The following ECPAS variants were observed in gnomAD, a reference collection of about 807,000 sequenced individuals.
The protein encoded by ECPAS is Ecm29 proteasome adaptor and scaffold.
A neutral mutation model predicts 255.1 loss-of-function variants in ECPAS; 70 were observed. That is an observed-to-expected ratio of 0.27 (90% CI 0.23 to 0.33). The LOEUF (loss-of-function observed/expected upper bound fraction) is 0.33. Among genes scored for constraint, ECPAS ranks in the 10% least tolerant of loss-of-function variants. The pLI is 1.00. For missense variants in ECPAS, 1,817 were observed against 2,206.4 expected (o/e 0.82, Z 3.54); for synonymous variants, 784 against 775.0 (o/e 1.01, Z -0.19).
At chr9:111,435,090 G>A (rs915093966) in intron 7 of ECPAS, among the ~76,000 whole-genome samples, 1 of 150,626 alleles carries the variant, frequency 6.6e-6, no homozygotes, top group Non-Finnish European at 1.5e-5. Context: ...ATAGAGACGG[G>A]GTCTCACTCT....
rs902606506 is a variant in ECPAS, at chr9:111,376,415, T to C, written c.4020+61A>G. The C allele has an allele frequency of 1.5e-5, 20 of 1,354,582 alleles. 1 individual carries two copies. The Admixed American group carries it at 3.1e-4, about 21-fold the overall frequency. 83.9% of individuals were successfully genotyped at this position (1,354,582 alleles called of 1,614,324 possible). A position where few individuals can be genotyped will look rare whatever the true frequency, so the allele number is the denominator to read the frequency against. On this transcript the variant is annotated intron_variant, in intron 37 of 49. Coordinates refer to ENST00000684092, the MANE Select transcript of ECPAS (RefSeq NM_001364929.1). ...CTTCATTTAACATAGCCTGAAGACT[T>C]TGAAGAATTACACTTTCAGGTAAGC...
chr9:111,445,751 C>T (rs570335635), intron 3 of ECPAS, among the ~76,000 whole-genome samples: 14 of 151,880 alleles, frequency 9.2e-5, no homozygotes, highest in African/African-American at 3.1e-4. Flanking sequence ...TAGGTATACA[C>T]GTGCCATGTT....
Position 111,481,508 on chromosome 9 carries a change from GA to G in ECPAS, c.-83+2607del, listed in dbSNP as rs952008532. On this transcript the variant is annotated intron_variant, in intron 1 of 49. Transcript: ENST00000684092. ...GCGACAGAGCAAGACTTGGTCTCAAGAAAAAAAAAAGAAAAAAGAAAACAGT... is the reference window on the plus strand; with the variant it reads ...GCGACAGAGCAAGACTTGGTCTCAAGAAAAAAAAAGAAAAAAGAAAACAGT... Among the ~76,000 whole-genome samples, 9 of 141,990 alleles carry G rather than the reference GA, an allele frequency of 6.3e-5. 1 individual carries two copies. The highest frequency in any genetic ancestry group is 7.8e-5 in the African/African-American group (3 of 38,526). The allele number at this position is 141,990 out of a possible 152,430, so 93.2% of individuals were successfully genotyped here.
At chr9:111,475,794 A>G (rs1388114821) in intron 1 of ECPAS, among the ~76,000 whole-genome samples, 1 of 152,008 alleles carries the variant, frequency 6.6e-6, no homozygotes, top group Non-Finnish European at 1.5e-5. Context: ...GGAAATTAAT[A>G]AAAAATAGAA....
chr9:111,474,282 ACT>A (rs1474428706), intron 1 of ECPAS, among the ~76,000 whole-genome samples: 1 of 151,978 alleles, frequency 6.6e-6, no homozygotes, highest in Non-Finnish European at 1.5e-5. Flanking sequence ...TAGAGGCTAC[ACT>A]CTCTGTTACT....
intron 34 of ECPAS, among the ~76,000 whole-genome samples, chr9:111,384,132 A>C (rs1040121614): frequency 1.3e-5 from 2 of 152,218 alleles, no homozygotes; most frequent in Non-Finnish European, 2.9e-5. Flanking sequence ...AGTTCCTGAT[A>C]TATCACAAAA....
chr9:111,364,390 G>T (rs143538560), intron 48 of ECPAS, among the ~76,000 whole-genome samples: 1 of 152,142 alleles, frequency 6.6e-6, no homozygotes, highest in African/African-American at 2.4e-5. Flanking sequence ...CTGGAATAAC[G>T]AATTAGATTT....
intron 3 of ECPAS, among the ~76,000 whole-genome samples, chr9:111,450,334 AAAG>A (rs1297334577): frequency 3.3e-5 from 5 of 152,250 alleles, no homozygotes; most frequent in Non-Finnish European, 7.3e-5. Flanking sequence ...CTATCTCAGC[AAAG>A]AAGGATTAAC....
chr9:111,361,958 T>A lies in ECPAS; in HGVS notation c.*72A>T. ...AGATTAATCTTTACTTTTTCCCACT[T>A]GGTTTTTCAAAGAACACCACCACTT... On this transcript the variant is annotated 3_prime_UTR_variant, in exon 50 of 50. Transcript: ENST00000684092. The A allele has an allele frequency of 6.5e-7, 1 of 1,540,944 alleles. No individual in the cohort carries two copies. Among genetic ancestry groups the A allele is most frequent in the Non-Finnish European group, 8.8e-7 (1 of 1,140,558 alleles).
Position 111,373,348 on chromosome 9 carries a change from T to G in ECPAS, c.4236A>C (p.Lys1412Asn). ...AATGGCCCATAGCAAATGCACAAGA[T>G]TTCTGAATCACACTGTTCCGATCTG... ...GLTDRNSVIQKSCAFAMGHLV... is the reference protein window; with the variant it reads ...GLTDRNSVIQNSCAFAMGHLV... Residue 1412 changes from lysine to asparagine, a missense_variant, in exon 40 of 50, where the codon AAA becomes AAC. Physicochemically the swap from Lys to Asn is moderately conservative, Grantham distance 94. This residue lies in a region of ECPAS where 960 missense variants were observed against 1,179.0 expected (regional missense o/e 0.81). Coordinates refer to ENST00000684092, the MANE Select transcript of ECPAS (RefSeq NM_001364929.1). 1 of 1,613,864 alleles carries G rather than the reference T, an allele frequency of 6.2e-7. No homozygotes were observed. The highest frequency in any genetic ancestry group is 1.3e-5 in the African/African-American group (1 of 75,034).
chr9:111,479,371 G>T (rs959419077), intron 1 of ECPAS, among the ~76,000 whole-genome samples: 1 of 150,042 alleles, frequency 6.7e-6, no homozygotes, highest in Non-Finnish European at 1.5e-5. Flanking sequence ...ACCAGGAGGG[G>T]CGGATCATGA....
intron 43 of ECPAS, 70 bp from the exon 44 acceptor site, chr9:111,370,835 TAC>T: frequency 7.2e-7 from 1 of 1,381,974 alleles, no homozygotes; most frequent in Non-Finnish European, 1.0e-6. Context: ...AAACCATGAT[TAC>T]AATTACCTTA....
chr9:111,451,726 T>A (rs543231104), intron 2 of ECPAS, among the ~76,000 whole-genome samples, 171 bp from the exon 3 acceptor site: 18 of 152,274 alleles, frequency 1.2e-4, no homozygotes, highest in African/African-American at 4.3e-4. Context: ...CACCAAAAGG[T>A]TAACTGTTCT....
intron 9 of ECPAS, among the ~76,000 whole-genome samples, chr9:111,429,546 G>A (rs999719772): frequency 7.2e-5 from 11 of 152,162 alleles, no homozygotes; most frequent in African/African-American, 2.7e-4. Flanking sequence ...AAAGTTATGT[G>A]ATCAGCCAAA....
At chr9:111,369,233 T>C (rs1294974004) in intron 45 of ECPAS, 60 bp from the exon 46 acceptor site, 2 of 1,297,758 alleles carry the variant, frequency 1.5e-6, no homozygotes, top group Non-Finnish European at 2.0e-6. Context: ...ACAGGTATAC[T>C]ATTAAAGCTA....
chr9:111,416,325 T>C lies in ECPAS; in HGVS notation c.1711A>G (p.Lys571Glu). Residue 571 changes from lysine to glutamate, a missense_variant, in exon 18 of 50, where the codon AAG becomes GAG. By Grantham distance (56) the Lys-to-Glu change is moderately conservative (BLOSUM62 1). Around this residue, in one of 4 missense-constraint regions of ECPAS, gnomAD observed 573 missense variants for 716.2 expected, o/e 0.80. Transcript: ENST00000684092. ...AGGACAGTGGTCCCGGTCATGTACTTGACTGGAGTTTTCATTCGATGAGAA... is the reference window on the plus strand; with the variant it reads ...AGGACAGTGGTCCCGGTCATGTACTCGACTGGAGTTTTCATTCGATGAGAA... ...KASHRMKTPV[K>E]YMTGTTVLPF... is the part of the protein sequence containing the mutation. The C allele has an allele frequency of 6.2e-7, 1 of 1,613,790 alleles. No individual in the cohort carries two copies. Among genetic ancestry groups the C allele is most frequent in the Non-Finnish European group, 8.5e-7 (1 of 1,179,736 alleles).
At chr9:111,392,937 C>T (rs372042864) in intron 27 of ECPAS, 55 bp from the exon 28 acceptor site, 51 of 1,221,186 alleles carry the variant, frequency 4.2e-5, no homozygotes, top group Non-Finnish European at 5.7e-5. Context: ...TGTCTACTTG[C>T]TATGAAATCA....
At chr9:111,431,909 C>G (rs2098230652) in intron 8 of ECPAS, among the ~76,000 whole-genome samples, 1 of 152,228 alleles carries the variant, frequency 6.6e-6, no homozygotes, top group South Asian at 2.1e-4. Flanking sequence ...TTGCTACTAA[C>G]TAATCCTCAA....
rs890676349 is a variant in ECPAS at position 111,473,342 on chromosome 9, G to C, written c.-82-342C>G. On this transcript the variant is annotated intron_variant, in intron 1 of 49. Transcript: ENST00000684092. Reference sequence around the variant, plus strand: ...ATATAAACTGTTACATTAATTAGAAGTGTTTCAATTACATAATAGTTTTAT... The same window carrying C: ...ATATAAACTGTTACATTAATTAGAACTGTTTCAATTACATAATAGTTTTAT... Among the ~76,000 whole-genome samples the C allele has an allele frequency of 5.3e-5, 8 of 152,140 alleles. No individual in the cohort carries two copies. The East Asian group carries it at 1.3e-3, about 26-fold the overall frequency.
Sources: allele counts gnomAD v4.1 joint callset (sites outside exome capture counted in the v4.1 genomes callset), GRCh38; gene constraint gnomAD v4.1.1; regional missense constraint gnomAD v4.1.1; transcripts MANE v1.5; gene names NCBI Gene and HGNC (gene_info 2026-07-23, HGNC 2026-07-21).